Variants in OTOGL observed in about 807,000 individuals in gnomAD.
OTOGL encodes otogelin-like protein.
In OTOGL, 285 loss-of-function variants were observed where a neutral mutation model predicts 318.5. The observed-to-expected ratio is 0.89, with a 90% CI of 0.81 to 0.99. The LOEUF (loss-of-function observed/expected upper bound fraction) is 0.99, where lower values mean the gene tolerates loss of function less well. Ranked by LOEUF, OTOGL falls within the 50% of genes least tolerant of loss-of-function variation. The pLI, the probability that OTOGL is intolerant of heterozygous loss-of-function variation, is 0.00. For missense variants in OTOGL, 2,899 were observed against 2,845.6 expected (o/e 1.02, Z -0.43); for synonymous variants, 987 against 936.5 (o/e 1.05, Z -0.99).
intron 1 of OTOGL, among the ~76,000 whole-genome samples, chr12:80,175,473 C>T (rs1565888500): frequency 6.6e-6 from 1 of 152,172 alleles, no homozygotes; most frequent in African/African-American, 2.4e-5. Flanking sequence ...GTAGCATTGC[C>T]TTGCTCTATG....
In OTOGL at chr12:80,255,115, A is replaced by C; in HGVS notation, c.1517A>C (p.Gln506Pro). ...GRHYSFIGMC[Q>P]YILVKGTGKD... is the part of the protein sequence containing the mutation. Reference sequence around the variant, plus strand: ...CATTATTCTTTTATTGGCATGTGCCAATACATCCTCGTGAAAGGAACTGGA... The same window carrying C: ...CATTATTCTTTTATTGGCATGTGCCCATACATCCTCGTGAAAGGAACTGGA... The change falls in exon 16 of 59, where the codon CAA (glutamine) becomes CCA (proline). Residue 506 changes from glutamine to proline, a missense_variant. By Grantham distance (76) the Gln-to-Pro change is moderately conservative. Coordinates refer to ENST00000547103, the MANE Select transcript of OTOGL (RefSeq NM_001378609.3). 1 of 1,529,498 alleles carries C rather than the reference A, an allele frequency of 6.5e-7. No homozygotes were observed. Among genetic ancestry groups the C allele is most frequent in the Non-Finnish European group, 8.8e-7 (1 of 1,139,850 alleles). The allele number at this position is 1,529,498 out of a possible 1,614,324, so 94.7% of individuals were successfully genotyped here.
intron 1 of OTOGL, among the ~76,000 whole-genome samples, chr12:80,114,581 A>G (rs371325543): frequency 1.4e-4 from 22 of 152,086 alleles, no homozygotes; most frequent in African/African-American, 5.3e-4. Flanking sequence ...GAATCTGACA[A>G]TTATGTGTCC....
At chr12:80,199,348 A>C (rs557516351) in intron 1 of OTOGL, among the ~76,000 whole-genome samples, 1 of 152,320 alleles carries the variant, frequency 6.6e-6, no homozygotes, top group African/African-American at 2.4e-5. Flanking sequence ...TTCCTAGAAG[A>C]CCTTCTAGAT....
intron 44 of OTOGL, among the ~76,000 whole-genome samples, chr12:80,351,978 T>C (rs1356363430): frequency 6.6e-6 from 1 of 152,220 alleles, no homozygotes; most frequent in Non-Finnish European, 1.5e-5. Flanking sequence ...TTCAAACTCT[T>C]ATTCAGTATA....
chr12:80,327,611 G>A (rs1399410517), intron 35 of OTOGL, among the ~76,000 whole-genome samples: 2 of 151,698 alleles, frequency 1.3e-5, no homozygotes, highest in African/African-American at 4.8e-5. Context: ...ACACCGTCAA[G>A]GCAATGATAG....
intron 25 of OTOGL, among the ~76,000 whole-genome samples, chr12:80,278,730 T>C (rs1397005231): frequency 6.6e-6 from 1 of 151,572 alleles, no homozygotes; most frequent in Non-Finnish European, 1.5e-5. Flanking sequence ...GATGGCATTG[T>C]GCTTTTTCAG....
At chr12:80,304,704 C>A (rs1027380358) in intron 28 of OTOGL, among the ~76,000 whole-genome samples, 2 of 152,132 alleles carry the variant, frequency 1.3e-5, no homozygotes, top group African/African-American at 4.8e-5. Flanking sequence ...AATGAATATT[C>A]TCTGCCATTC....
Position 80,367,709 on chromosome 12 carries a change from AC to A in OTOGL, c.6481del (p.Leu2161TrpfsTer2), listed in dbSNP as rs764067898. The A allele has an allele frequency of 5.5e-6, 8 of 1,447,226 alleles. No homozygotes were observed. The highest frequency in any genetic ancestry group is 7.3e-6 in the Non-Finnish European group (8 of 1,094,624). The allele number at this position is 1,447,226 out of a possible 1,614,324, so 89.6% of individuals were successfully genotyped here. ...CGGGCTTTCACACTCTGAATTTTAC[AC>A]TGGTGAATTGTTCAAAAAAATGTGA... ...HTGFHTLNFT[L>X]VNCSKKCDVH... is the part of the protein sequence containing the mutation. On this transcript the variant is annotated frameshift_variant, in exon 54 of 59. Transcript: ENST00000547103. LOFTEE classifies it high-confidence loss of function.
At chr12:80,171,845 A>C (rs747794827) in intron 1 of OTOGL, among the ~76,000 whole-genome samples, 5 of 152,070 alleles carry the variant, frequency 3.3e-5, no homozygotes, top group Non-Finnish European at 5.9e-5. Flanking sequence ...TTGATTCTAT[A>C]AATATTCTCT....
chr12:80,245,971 G>T (rs1466850776), intron 11 of OTOGL, among the ~76,000 whole-genome samples: 1 of 136,292 alleles, frequency 7.3e-6, no homozygotes. Context: ...TTTGTCTGTT[G>T]TTGGTGTATA....
intron 1 of OTOGL, among the ~76,000 whole-genome samples, chr12:80,128,687 C>T (rs914795633): frequency 3.3e-5 from 5 of 152,322 alleles, no homozygotes; most frequent in Non-Finnish European, 5.9e-5. Flanking sequence ...GTAGGCTCCA[C>T]CTAGTTCGAG....
chr12:80,203,513 A>G (rs959732791), intron 1 of OTOGL, among the ~76,000 whole-genome samples: 45 of 152,178 alleles, frequency 3.0e-4, no homozygotes, highest in African/African-American at 9.4e-4. Flanking sequence ...CAGCACCATT[A>G]TTCCACCAAT....
At chr12:80,152,900 G>A (rs986735637) in intron 1 of OTOGL, among the ~76,000 whole-genome samples, 2 of 152,132 alleles carry the variant, frequency 1.3e-5, no homozygotes, top group Non-Finnish European at 2.9e-5. Flanking sequence ...CACCATGTTG[G>A]CCAGGCAGGT....
In OTOGL at chr12:80,106,702, C is replaced by T. The variant is rs145206385; in HGVS notation, c.-20+7097C>T. ...AATGTATGATTCTCTGGATTGCATT[C>T]TTCCATCTTTTATAACTGCTTCAGC... is the stretch of plus-strand genomic sequence containing the variant. On this transcript the variant is annotated intron_variant, in intron 1 of 58. Transcript: ENST00000547103. 3.5e-3 allele frequency among the ~76,000 whole-genome samples: 533 copies of T among 152,220 alleles called. 5 individuals are homozygous for T. Among genetic ancestry groups the T allele is most frequent in the Non-Finnish European group, 4.3e-3 (293 of 68,004 alleles).
intron 57 of OTOGL, among the ~76,000 whole-genome samples, chr12:80,376,330 T>C (rs930332543): frequency 2.6e-5 from 4 of 152,168 alleles, no homozygotes; most frequent in Non-Finnish European, 5.9e-5. Context: ...GTTCACTCTT[T>C]TGTAAGTAAG....
At chr12:80,369,597 T>C (rs1482181942) in intron 55 of OTOGL, among the ~76,000 whole-genome samples, 2 of 152,096 alleles carry the variant, frequency 1.3e-5, no homozygotes, top group African/African-American at 4.8e-5. Context: ...AAGTGTTTGC[T>C]TGCACAGAAT....
In OTOGL at chr12:80,320,543, A is replaced by AT. The variant is rs756779043; in HGVS notation, c.3929dup (p.His1311ProfsTer14). 4 of 1,613,574 alleles carry AT rather than the reference A, an allele frequency of 2.5e-6. No homozygotes were observed. In the Admixed American group the frequency reaches 6.7e-5, roughly 27 times the overall value. On this transcript the variant is annotated frameshift_variant, in exon 34 of 59. Transcript: ENST00000547103. LOFTEE classifies it high-confidence loss of function. ...ATTCAGCCTTTCATCGGAGAGCAACATTTTTCCACCATCAGGGCCTCTGGA... is the reference window on the plus strand; with the variant it reads ...ATTCAGCCTTTCATCGGAGAGCAACATTTTTTCCACCATCAGGGCCTCTGGA...
At chr12:80,278,140 A>G (rs1190790772) in intron 24 of OTOGL, 28 bp from the exon 25 acceptor site, 7 of 1,485,610 alleles carry the variant, frequency 4.7e-6, no homozygotes, top group African/African-American at 4.2e-5. Context: ...AGTTCATACT[A>G]AATAGCATTT....
At chr12:80,148,999 A>G (rs1565879192) in intron 1 of OTOGL, among the ~76,000 whole-genome samples, 1 of 152,138 alleles carries the variant, frequency 6.6e-6, no homozygotes. Context: ...TTTGGTTTGA[A>G]TGTCCTCCTG....
Sources: allele counts gnomAD v4.1 joint callset (sites outside exome capture counted in the v4.1 genomes callset), GRCh38; gene constraint gnomAD v4.1.1; transcripts MANE v1.5; gene names NCBI Gene and HGNC (gene_info 2026-07-23, HGNC 2026-07-21).